The following RP1 variants were observed in gnomAD, a reference collection of about 807,000 sequenced individuals.
The protein encoded by RP1 is oxygen-regulated protein 1.
In RP1, 16 loss-of-function variants were observed where a neutral mutation model predicts 14.8. The ratio of observed to expected loss-of-function variants is 1.08; its 90% CI spans 0.73 to 1.65. RP1 has a LOEUF of 1.65. RP1 is among the 40% of genes most tolerant of loss of function. The probability of loss-of-function intolerance (pLI) is 0.00; values close to 1 mark genes in which losing one functional copy is unlikely to be tolerated. For synonymous variants in RP1, 876 were observed against 883.6 expected, an observed-to-expected ratio of 0.99 and a Z score of 0.15; for missense variants, 2,631 against 2,535.0, an observed-to-expected ratio of 1.04 and a Z score of -0.81.
rs954724098 is a variant in RP1 at position 54,768,996 on chromosome 8, A to G, written c.3249-745A>G. ...ACTGCAAGCTCTGCCTCCCAGGTTC[A>G]CGCCTTCTCCTGCCTCAGCCTCCTG... On this transcript the variant is annotated intron_variant, in intron 22 of 22. Transcript: ENST00000636932. Among the ~76,000 whole-genome samples, 13 of 149,684 alleles carry G rather than the reference A, an allele frequency of 8.7e-5. No homozygotes were observed. In the South Asian group the frequency reaches 2.7e-3, roughly 31 times the overall value.
At chr8:54,583,799 T>C (rs1295218733) in intron 1 of RP1, among the ~76,000 whole-genome samples, 1 of 152,256 alleles carries the variant, frequency 6.6e-6, no homozygotes, top group Non-Finnish European at 1.5e-5. Flanking sequence ...GAGGTGTTTA[T>C]GGTATTCTCT....
chr8:54,846,581 C>A (rs185123838), intron 25 of RP1, among the ~76,000 whole-genome samples: 54 of 152,216 alleles, frequency 3.5e-4, no homozygotes, highest in Middle Eastern at 3.4e-3. Flanking sequence ...TAACCCACAC[C>A]CTTGTTGCTA....
At chr8:54,588,295 G>T (rs1804976734) in intron 1 of RP1, among the ~76,000 whole-genome samples, 1 of 152,166 alleles carries the variant, frequency 6.6e-6, no homozygotes, top group Non-Finnish European at 1.5e-5. Flanking sequence ...TAAAATATAT[G>T]GAAGGGAGTT....
downstream of RP1, among the ~76,000 whole-genome samples, chr8:54,634,319 A>T (rs1169436873): frequency 6.6e-6 from 1 of 152,238 alleles, no homozygotes; most frequent in Non-Finnish European, 1.5e-5. Flanking sequence ...TTAAAGTATC[A>T]CTAAAAATAA....
At chr8:54,581,972 A>G (rs1804802566) in intron 1 of RP1, among the ~76,000 whole-genome samples, 1 of 152,170 alleles carries the variant, frequency 6.6e-6, no homozygotes, top group Non-Finnish European at 1.5e-5. Flanking sequence ...CTCTGATGGT[A>G]GTTTCTTCTG....
intron 12 of RP1, chr8:54,697,205 C>A: frequency 1.4e-6 from 1 of 694,204 alleles, no homozygotes; most frequent in Non-Finnish European, 2.5e-6. Flanking sequence ...AATTTTTATC[C>A]AGAGAAGATT....
At chr8:54,663,548 G>A (rs1806944628) in intron 6 of RP1, 1 of 588,492 alleles carries the variant, frequency 1.7e-6, no homozygotes, top group Non-Finnish European at 2.7e-6. Flanking sequence ...GAAAAACATA[G>A]TATATATAGA....
intron 12 of RP1, among the ~76,000 whole-genome samples, chr8:54,684,375 C>A (rs1440852806): frequency 6.6e-6 from 1 of 152,120 alleles, no homozygotes; most frequent in Non-Finnish European, 1.5e-5. Flanking sequence ...GGAATAGTTT[C>A]AGTACACATG....
At chr8:54,824,834 G>A (rs947489423) in intron 24 of RP1, among the ~76,000 whole-genome samples, 6 of 152,184 alleles carry the variant, frequency 3.9e-5, no homozygotes, top group Non-Finnish European at 7.3e-5. Flanking sequence ...GTTAATTGAT[G>A]CAGAAGTAGC....
intron 1 of RP1, among the ~76,000 whole-genome samples, chr8:54,593,321 T>G (rs1340559728): frequency 6.6e-6 from 1 of 152,224 alleles, no homozygotes; most frequent in Non-Finnish European, 1.5e-5. Flanking sequence ...CTGTAGTATA[T>G]TATTAAAGGT....
At chr8:54,681,505 TG>T (rs1270202189) in intron 12 of RP1, among the ~76,000 whole-genome samples, 75 of 151,932 alleles carry the variant, frequency 4.9e-4, no homozygotes, top group Admixed American at 2.2e-3. Context: ...TGTGTGTGTG[TG>T]TGTGTGTGTG....
At position 54,625,566 on chromosome 8, in the gene RP1, C is replaced by T. The variant is rs1156261184; in HGVS notation, c.1684C>T (p.His562Tyr). Residue 562 changes from histidine to tyrosine, a missense_variant, in exon 4 of 4, where the codon CAT (histidine) becomes TAT (tyrosine). Transcript: ENST00000220676. ...AAGTCAGAAGATGTTAGAGATGTCA[C>T]ATAATAATGGTTTGCCATCAACTAT... ...ITSQKMLEMSHNNGLPSTISN... is the reference protein window; with the variant it reads ...ITSQKMLEMSYNNGLPSTISN... 3 of 1,614,030 alleles carry T rather than the reference C, an allele frequency of 1.9e-6. No homozygotes were observed. Among genetic ancestry groups the T allele is most frequent in the South Asian group, 1.1e-5 (1 of 91,078 alleles).
At chr8:54,770,846 T>G (rs1350575231), downstream of RP1, among the ~76,000 whole-genome samples, 3 of 151,894 alleles carry the variant, frequency 2.0e-5, no homozygotes, top group Non-Finnish European at 4.4e-5. Context: ...TATCTTTTTC[T>G]ATTAGGTCCT....
At chr8:54,813,393 C>T (rs1021372615) in intron 24 of RP1, among the ~76,000 whole-genome samples, 3 of 152,148 alleles carry the variant, frequency 2.0e-5, no homozygotes, top group African/African-American at 7.2e-5. Context: ...CAACTTTACT[C>T]CGTGGTTAAC....
In RP1 at chr8:54,759,127, ATGC is replaced by A. The variant is rs1193362019; in HGVS notation, c.3248+54_3248+56del. 8.8e-6 allele frequency: 9 copies of A among 1,021,172 alleles called. No homozygotes were observed. The African/African-American group carries it at 1.1e-4, about 13-fold the overall frequency. The allele number at this position is 1,021,172 out of a possible 1,614,324, so 63.3% of individuals were successfully genotyped here. On this transcript the variant is annotated intron_variant, in intron 22 of 22. Coordinates refer to the RP1 transcript ENST00000636932. ...AAAAGAGTATGCTGCACTGTGGATGATGCTGTGTGTGTGTGTGTGTGTGTGTGT... is the reference window on the plus strand; with the variant it reads ...AAAAGAGTATGCTGCACTGTGGATGATGTGTGTGTGTGTGTGTGTGTGTGT...
chr8:54,570,333 T>TTC (rs1378522268), intron 1 of RP1, among the ~76,000 whole-genome samples: 2 of 36,778 alleles, frequency 5.4e-5, no homozygotes, highest in African/African-American at 9.7e-5. Flanking sequence ...TTTTATGTAC[T>TTC]TTTTTTTTTT....
chr8:54,733,006 G>C (rs927154289), intron 17 of RP1, among the ~76,000 whole-genome samples: 3 of 152,104 alleles, frequency 2.0e-5, no homozygotes, highest in African/African-American at 7.2e-5. Context: ...GTAGTATGAG[G>C]GTTGAGTGAG....
chr8:54,863,773 T>C (rs1018452419), intron 27 of RP1, among the ~76,000 whole-genome samples: 1 of 152,222 alleles, frequency 6.6e-6, no homozygotes, highest in Non-Finnish European at 1.5e-5. Flanking sequence ...CTGTAGTAAC[T>C]GCAATTGCAT....
chr8:54,658,018 T>C (rs1364908756), intron 6 of RP1, among the ~76,000 whole-genome samples: 1 of 152,238 alleles, frequency 6.6e-6, no homozygotes, highest in Non-Finnish European at 1.5e-5. Flanking sequence ...TCTTTAGAAC[T>C]TCTGCATCTT....
Sources: gnomAD v4.1 joint callset for allele counts (sites outside exome capture counted in the v4.1 genomes callset) on GRCh38, gnomAD v4.1.1 for gene constraint, MANE v1.5 for transcripts, NCBI Gene and HGNC (gene_info 2026-07-23, HGNC 2026-07-21) for gene names.